PLAA: variants seen among roughly 807,000 people sequenced by gnomAD.
The protein encoded by PLAA is phospholipase A2 activating protein.
A neutral mutation model predicts 84.1 loss-of-function variants in PLAA; 48 were observed. The ratio of observed to expected loss-of-function variants is 0.57; its 90% CI spans 0.45 to 0.73. PLAA has a LOEUF of 0.73. Among genes scored for constraint, PLAA ranks in the 30% least tolerant of loss-of-function variants. The pLI is 0.00. For synonymous variants in PLAA, 392 were observed against 336.6 expected (o/e 1.16, Z -1.80); for missense variants, 903 against 954.7 (o/e 0.95, Z 0.71).
chr9:26,913,461 A>G (rs111362267), intron 11 of PLAA, among the ~76,000 whole-genome samples: 10,546 of 152,246 alleles, frequency 0.069, 509 homozygotes, highest in African/African-American at 0.14. Flanking sequence ...CCAGTGAATA[A>G]CATTCTCAAC....
At chr9:26,930,580 G>T (rs1825149443) in intron 2 of PLAA, among the ~76,000 whole-genome samples, 2 of 139,626 alleles carry the variant, frequency 1.4e-5, no homozygotes, top group South Asian at 4.6e-4. Context: ...ACATCACTGA[G>T]ATTTTTTTTT....
At chr9:26,945,027 T>G (rs1317431814) in intron 1 of PLAA, among the ~76,000 whole-genome samples, 1 of 152,038 alleles carries the variant, frequency 6.6e-6, no homozygotes, top group Non-Finnish European at 1.5e-5. Context: ...CTTGGGAGGC[T>G]GAGGCAAGAG....
At chr9:26,915,859 C>T (rs371861072) in intron 10 of PLAA, 5 of 985,210 alleles carry the variant, frequency 5.1e-6, no homozygotes, top group South Asian at 9.4e-5. Context: ...GAAAAAAAGC[C>T]GCCAAAGTGA....
chr9:26,936,566 C>T lies in PLAA; in HGVS notation c.150-1360G>A, dbSNP rs928640080. Among the ~76,000 whole-genome samples the T allele has an allele frequency of 1.3e-5, 2 of 152,198 alleles. 1 individual carries two copies. Among genetic ancestry groups the T allele is most frequent in the Non-Finnish European group, 2.9e-5 (2 of 68,028 alleles). ...AAATTGAGGTTAATTTTGATCAATGCCTGCTCTTGGCACAGTAGCAGTTAC... is the reference window on the plus strand; with the variant it reads ...AAATTGAGGTTAATTTTGATCAATGTCTGCTCTTGGCACAGTAGCAGTTAC... On this transcript the variant is annotated intron_variant, in intron 1 of 13. Coordinates refer to ENST00000397292, the MANE Select transcript of PLAA (RefSeq NM_001031689.3).
chr9:26,921,828 T>C (rs539988750), intron 7 of PLAA, among the ~76,000 whole-genome samples: 1 of 152,346 alleles, frequency 6.6e-6, no homozygotes, highest in South Asian at 2.1e-4. Flanking sequence ...AAAAATGGCA[T>C]TTGTTAATGT....
At chr9:26,942,509 A>G (rs1233584651) in intron 1 of PLAA, among the ~76,000 whole-genome samples, 3 of 152,232 alleles carry the variant, frequency 2.0e-5, no homozygotes, top group Non-Finnish European at 4.4e-5. Context: ...CCAAAATAAA[A>G]CAATTATTAG....
chr9:26,911,314 G>A (rs953805204), intron 11 of PLAA, among the ~76,000 whole-genome samples: 3 of 152,078 alleles, frequency 2.0e-5, no homozygotes, highest in East Asian at 1.9e-4. Context: ...TACCACGCCC[G>A]GCTAATTTTT....
At chr9:26,915,888 A>G (rs904216070) in intron 10 of PLAA, 1 of 985,298 alleles carries the variant, frequency 1.0e-6, no homozygotes, top group African/African-American at 1.7e-5. Context: ...CTCACTTGGT[A>G]TTAAGTTTCA....
intron 11 of PLAA, among the ~76,000 whole-genome samples, chr9:26,913,379 T>C (rs1824454326): frequency 6.6e-6 from 1 of 152,260 alleles, no homozygotes; most frequent in African/African-American, 2.4e-5. Flanking sequence ...TCAGAAGAAC[T>C]ATAGCTATTC....
intron 1 of PLAA, among the ~76,000 whole-genome samples, chr9:26,941,759 G>GA (rs60262413): frequency 0.24 from 32,181 of 135,632 alleles, 4,352 homozygotes; most frequent in East Asian, 0.63. Flanking sequence ...TTACAGCCAA[G>GA]AAAAAAAAAA....
chr9:26,918,213 G>C (rs1017140757), intron 9 of PLAA, among the ~76,000 whole-genome samples: 1 of 151,504 alleles, frequency 6.6e-6, no homozygotes, highest in African/African-American at 2.4e-5. Context: ...CCAGGTTCAC[G>C]TGATTCTCCT....
rs1824314566 is a variant in PLAA, at chr9:26,908,774, T to A, written c.1658-776A>T. Among the ~76,000 whole-genome samples, 3 of 152,120 alleles carry A rather than the reference T, an allele frequency of 2.0e-5. No homozygotes were observed. The South Asian group carries it at 6.2e-4, about 32-fold the overall frequency. ...CAGGCATGAGCCACCACGTCCGGCC[T>A]CCATTTTGGATGACTTTCAAAGCAG... On this transcript the variant is annotated intron_variant, in intron 12 of 13. Transcript: ENST00000397292.
At chr9:26,933,788 C>CAAAAAAAA (rs199939902) in intron 2 of PLAA, among the ~76,000 whole-genome samples, 1 of 89,188 alleles carries the variant, frequency 1.1e-5, no homozygotes, top group African/African-American at 4.1e-5. Flanking sequence ...GACTCTGCCT[C>CAAAAAAAA]AAAAAAAAAA....
chr9:26,930,231 A>C (rs1825136285), intron 2 of PLAA, among the ~76,000 whole-genome samples: 1 of 150,876 alleles, frequency 6.6e-6, no homozygotes, highest in African/African-American at 2.4e-5. Context: ...CAGCCTCCCG[A>C]GTGGCTGGGA....
chr9:26,930,886 GA>G (rs781416343), intron 2 of PLAA, among the ~76,000 whole-genome samples: 22 of 151,856 alleles, frequency 1.4e-4, no homozygotes, highest in Non-Finnish European at 2.8e-4. Context: ...CCCAGTCTGA[GA>G]TCTTAATAGT....
At chr9:26,919,988 G>A (rs1824704996) in intron 8 of PLAA, among the ~76,000 whole-genome samples, 1 of 152,134 alleles carries the variant, frequency 6.6e-6, no homozygotes, top group Non-Finnish European at 1.5e-5. Context: ...AACAGCTTTT[G>A]TATAGAAACT....
chr9:26,928,855 A>C (rs934125948), intron 2 of PLAA, among the ~76,000 whole-genome samples: 1 of 152,232 alleles, frequency 6.6e-6, no homozygotes, highest in African/African-American at 2.4e-5. Context: ...GTGGTTAATT[A>C]AATGTCTTAC....
In PLAA at chr9:26,919,357, C is replaced by A; in HGVS notation, c.1370G>T (p.Gly457Val). 1 of 1,612,380 alleles carries A rather than the reference C, an allele frequency of 6.2e-7. No homozygotes were observed. Among genetic ancestry groups the A allele is most frequent in the East Asian group, 2.2e-5 (1 of 44,786 alleles). ...GGGATTCCCAAGTCCCAACATTTGA[C>A]CTTTTGTGTTATCAATAATAAATTT... ...VAKFIIDNTK[G>V]QMLGLGNPSF... Residue 457 changes from glycine (G) to valine (V), a missense_variant, in exon 9 of 14, where the codon GGT becomes GTT. Gly to Val is a moderately radical substitution (Grantham distance 109, BLOSUM62 -3). Transcript: ENST00000397292.
chr9:26,942,140 G>A (rs1825562679), intron 1 of PLAA, among the ~76,000 whole-genome samples: 1 of 152,126 alleles, frequency 6.6e-6, no homozygotes, highest in South Asian at 2.1e-4. Context: ...ATAACTTTCA[G>A]ACTTGCAAGG....
Sources: gnomAD v4.1 joint callset for allele counts (sites outside exome capture counted in the v4.1 genomes callset) on GRCh38, gnomAD v4.1.1 for gene constraint, MANE v1.5 for transcripts, NCBI Gene and HGNC (gene_info 2026-07-23, HGNC 2026-07-21) for gene names.